FOXP2: variants seen among roughly 807,000 people sequenced by gnomAD.
The protein encoded by FOXP2 is forkhead box P2.
A neutral mutation model predicts 115.8 loss-of-function variants in FOXP2; 12 were observed. The ratio of observed to expected loss-of-function variants is 0.10; its 90% CI spans 0.07 to 0.17. The LOEUF is 0.17. FOXP2 is among the 10% of genes least tolerant of loss of function. FOXP2 has a pLI of 1.00. For synonymous variants in FOXP2, 328 were observed against 297.7 expected, an observed-to-expected ratio of 1.10 and a Z score of -1.05; for missense variants, 629 against 843.5, an observed-to-expected ratio of 0.75 and a Z score of 3.15.
At chr7:114,293,003 C>A (rs1796645898) in intron 2 of FOXP2, among the ~76,000 whole-genome samples, 1 of 152,078 alleles carries the variant, frequency 6.6e-6, no homozygotes. Flanking sequence ...TTGTGAGAAT[C>A]CATTACAACT....
At chr7:114,148,626 A>G (rs1018791891) in intron 1 of FOXP2, among the ~76,000 whole-genome samples, 6 of 152,166 alleles carry the variant, frequency 3.9e-5, no homozygotes, top group Admixed American at 2.0e-4. Context: ...GTATAGTTTG[A>G]AATAAAAGAG....
At chr7:114,573,576 A>G (rs1410749375) in intron 3 of FOXP2, among the ~76,000 whole-genome samples, 1 of 151,804 alleles carries the variant, frequency 6.6e-6, no homozygotes, top group East Asian at 1.9e-4. Flanking sequence ...TCAAATGTTA[A>G]GAGACCCTAC....
chr7:114,573,437 G>A (rs534011516), intron 3 of FOXP2, among the ~76,000 whole-genome samples: 53 of 151,742 alleles, frequency 3.5e-4, no homozygotes, highest in South Asian at 8.3e-4. Context: ...CTGGAACACC[G>A]TAAGAGTACT....
At chr7:114,551,732 AT>A (rs973896105) in intron 3 of FOXP2, among the ~76,000 whole-genome samples, 1 of 152,118 alleles carries the variant, frequency 6.6e-6, no homozygotes, top group South Asian at 2.1e-4. Flanking sequence ...TATTTTAATA[AT>A]TTTTTTACAT....
chr7:114,130,038 G>A (rs988045600), intron 1 of FOXP2, among the ~76,000 whole-genome samples: 1 of 152,166 alleles, frequency 6.6e-6, no homozygotes, highest in African/African-American at 2.4e-5. Flanking sequence ...GTCTGCCTGG[G>A]TGTGGTGGCT....
chr7:114,248,204 G>GAGAGAGAC (rs1554354800), intron 1 of FOXP2, among the ~76,000 whole-genome samples: 3 of 151,672 alleles, frequency 2.0e-5, no homozygotes, highest in Non-Finnish European at 2.9e-5. Context: ...GAGAGAGAGA[G>GAGAGAGAC]AGAGAGAGAC....
intron 2 of FOXP2, among the ~76,000 whole-genome samples, chr7:114,443,503 T>G (rs1215610218): frequency 1.3e-5 from 2 of 152,136 alleles, no homozygotes; most frequent in Non-Finnish European, 2.9e-5. Flanking sequence ...GGCGTTTTAG[T>G]GTACCGATTA....
rs1280946985 is a variant in FOXP2, at chr7:114,652,197, G to A, written c.1095-6G>A. 6.2e-7 allele frequency: 1 copy of A among 1,612,568 alleles called. No homozygotes were observed. The highest frequency in any genetic ancestry group is 1.7e-5 in the Admixed American group (1 of 59,854). On this transcript the variant is annotated splice_region_variant and splice_polypyrimidine_tract_variant and intron_variant, in intron 8 of 16. Transcript: ENST00000350908. ...ACATTCTGTTTTGTGTCTTCTGTTT[G>A]TTTAGGCACCTTAACAATGAACACG...
intron 1 of FOXP2, among the ~76,000 whole-genome samples, chr7:114,193,198 A>G (rs1007274292): frequency 6.6e-6 from 1 of 152,096 alleles, no homozygotes; most frequent in African/African-American, 2.4e-5. Flanking sequence ...TAGGTTTTAA[A>G]TTCACAGACA....
intron 1 of FOXP2, among the ~76,000 whole-genome samples, chr7:114,237,019 C>T (rs1795025831): frequency 6.6e-6 from 1 of 151,918 alleles, no homozygotes; most frequent in South Asian, 2.1e-4. Flanking sequence ...AGTAAGTGTC[C>T]AACATTTTTC....
At chr7:114,382,541 T>C (rs1289929949) in intron 2 of FOXP2, among the ~76,000 whole-genome samples, 1 of 152,162 alleles carries the variant, frequency 6.6e-6, no homozygotes, top group Non-Finnish European at 1.5e-5. Context: ...AGCTTTTCCC[T>C]GTTCCAGAAC....
intron 2 of FOXP2, among the ~76,000 whole-genome samples, chr7:114,498,112 G>A (rs190467154): frequency 4.1e-4 from 63 of 152,152 alleles, no homozygotes; most frequent in South Asian, 2.7e-3. Context: ...CTCAGAATCC[G>A]TTGCTTAGTT....
intron 1 of FOXP2, among the ~76,000 whole-genome samples, chr7:114,165,242 A>G (rs1437763686): frequency 6.6e-6 from 1 of 152,116 alleles, no homozygotes; most frequent in Admixed American, 6.6e-5. Context: ...GTTCCTTCTC[A>G]CCTCTCCTAT....
intron 3 of FOXP2, among the ~76,000 whole-genome samples, chr7:114,583,257 T>TA (rs529163411): frequency 8.4e-4 from 128 of 152,136 alleles, no homozygotes; most frequent in Admixed American, 8.4e-3. Flanking sequence ...TGCACACCTG[T>TA]AATCCCAGCT....
chr7:114,196,588 T>C (rs1793915163), intron 1 of FOXP2, among the ~76,000 whole-genome samples: 3 of 152,216 alleles, frequency 2.0e-5, no homozygotes, highest in Admixed American at 2.0e-4. Context: ...TAATAGACTG[T>C]AATTTACACT....
chr7:114,510,981 T>A (rs1181811597), intron 2 of FOXP2, among the ~76,000 whole-genome samples: 1 of 152,154 alleles, frequency 6.6e-6, no homozygotes, highest in African/African-American at 2.4e-5. Flanking sequence ...ATAGACTGAA[T>A]AAACAAAATG....
chr7:114,213,850 C>T (rs180781644), intron 1 of FOXP2, among the ~76,000 whole-genome samples: 91 of 152,182 alleles, frequency 6.0e-4, no homozygotes, highest in African/African-American at 1.7e-3. Flanking sequence ...AATGTTGATA[C>T]GCAAAGAAGC....
intron 14 of FOXP2, among the ~76,000 whole-genome samples, chr7:114,662,932 T>C (rs537969402): frequency 1.3e-5 from 2 of 152,274 alleles, no homozygotes; most frequent in South Asian, 2.1e-4. Context: ...TTTTATCTAC[T>C]ATTGGCCCTT....
At chr7:114,552,709 G>T (rs1026668528) in intron 3 of FOXP2, among the ~76,000 whole-genome samples, 3 of 152,046 alleles carry the variant, frequency 2.0e-5, no homozygotes, top group African/African-American at 7.2e-5. Context: ...ATTCCATTAT[G>T]TTCCACATAC....
Sources: allele counts gnomAD v4.1 joint callset (sites outside exome capture counted in the v4.1 genomes callset), GRCh38; gene constraint gnomAD v4.1.1; transcripts MANE v1.5; gene names NCBI Gene and HGNC (gene_info 2026-07-23, HGNC 2026-07-21).